The following VWC2 variants were observed in gnomAD, a reference collection of about 807,000 sequenced individuals.
VWC2 encodes the protein von Willebrand factor C domain containing 2.
Under a neutral mutation model 29.8 loss-of-function variants are expected in VWC2, and 14 were observed. That is an observed-to-expected ratio of 0.47 (90% CI 0.31 to 0.74). The LOEUF is 0.74. Ranked by LOEUF, VWC2 falls within the 30% of genes least tolerant of loss-of-function variation. VWC2 has a pLI of 0.05. For missense variants in VWC2, 457 were observed against 459.8 expected (o/e 0.99, Z 0.05); for synonymous variants, 213 against 199.0 (o/e 1.07, Z -0.59).
intron 3 of VWC2, among the ~76,000 whole-genome samples, chr7:49,884,449 A>G (rs1213728552): frequency 6.6e-6 from 1 of 152,150 alleles, no homozygotes; most frequent in Non-Finnish European, 1.5e-5. Flanking sequence ...GGGAAGGTGG[A>G]GAACAGCAAT....
intron 3 of VWC2, among the ~76,000 whole-genome samples, chr7:49,894,336 T>C (rs1384633148): frequency 1.3e-5 from 2 of 152,102 alleles, no homozygotes; most frequent in African/African-American, 4.8e-5. Flanking sequence ...TTGTATTTTT[T>C]GTAGAGACGG....
chr7:49,911,275 A>T (rs887302024), intron 3 of VWC2, among the ~76,000 whole-genome samples: 5 of 151,982 alleles, frequency 3.3e-5, no homozygotes, highest in Admixed American at 3.3e-4. Flanking sequence ...CGAGGTCAAG[A>T]GATCGAGACC....
intron 3 of VWC2, among the ~76,000 whole-genome samples, chr7:49,893,378 G>C (rs1213990504): frequency 6.6e-6 from 1 of 152,162 alleles, no homozygotes; most frequent in African/African-American, 2.4e-5. Flanking sequence ...AATTTGGCAG[G>C]ATAGTTTTCA....
intron 3 of VWC2, among the ~76,000 whole-genome samples, chr7:49,870,278 T>C (rs1341633811): frequency 2.6e-5 from 4 of 152,146 alleles, no homozygotes. Context: ...CGGGCGCCTG[T>C]AGTCCCAGCT....
At chr7:49,893,131 T>C (rs1275164969) in intron 3 of VWC2, among the ~76,000 whole-genome samples, 2 of 152,252 alleles carry the variant, frequency 1.3e-5, no homozygotes, top group East Asian at 3.8e-4. Context: ...ATGAGAATAC[T>C]TTAGCCTTTA....
rs562835247 is a variant in VWC2, at chr7:49,842,073, G to T, written c.826+39233G>T. Among the ~76,000 whole-genome samples the T allele has an allele frequency of 5.7e-4, 87 of 152,172 alleles. 1 individual carries two copies. Among genetic ancestry groups the T allele is most frequent in the African/African-American group, 2.1e-3 (87 of 41,526 alleles). ...AGTAGAAACGAGGTTTCACCATGTT[G>T]CCCAGGCTGGTCTTGAACTCCTGAC... On this transcript the variant is annotated intron_variant, in intron 3 of 3. Transcript: ENST00000340652.
At chr7:49,845,334 A>T (rs918814773) in intron 3 of VWC2, among the ~76,000 whole-genome samples, 1 of 152,244 alleles carries the variant, frequency 6.6e-6, no homozygotes, top group African/African-American at 2.4e-5. Flanking sequence ...TACAATCTCT[A>T]GGACTCTATC....
rs1322069404 is a variant in VWC2 at position 49,829,673 on chromosome 7, C to T, written c.826+26833C>T. Reference sequence around the variant, plus strand: ...TTGTCTCCTTTCTCCTTAGCCCTGCCTAAACAGCCTTCTTCCTCTCCCTTC... The same window carrying T: ...TTGTCTCCTTTCTCCTTAGCCCTGCTTAAACAGCCTTCTTCCTCTCCCTTC... On this transcript the variant is annotated intron_variant, in intron 3 of 3. Transcript: ENST00000340652. Among the ~76,000 whole-genome samples, 10 of 152,348 alleles carry T rather than the reference C, an allele frequency of 6.6e-5. No homozygotes were observed. In the East Asian group the frequency reaches 1.9e-3, roughly 29 times the overall value.
At chr7:49,871,908 AACACACACACACACAC>A (rs72332840) in intron 3 of VWC2, among the ~76,000 whole-genome samples, 1,218 of 87,914 alleles carry the variant, frequency 0.014, 41 homozygotes, top group African/African-American at 0.051. Flanking sequence ...TGTGTATATA[AACACACACACACACAC>A]ACACACACAC....
intron 3 of VWC2, among the ~76,000 whole-genome samples, chr7:49,848,733 T>C (rs192247338): frequency 6.6e-6 from 1 of 152,368 alleles, no homozygotes; most frequent in African/African-American, 2.4e-5. Flanking sequence ...TATGAATCAT[T>C]TCTCTCACAG....
At chr7:49,856,984 T>A (rs969553508) in intron 3 of VWC2, among the ~76,000 whole-genome samples, 1 of 111,500 alleles carries the variant, frequency 9.0e-6, no homozygotes, top group African/African-American at 3.6e-5. Context: ...CACTCCAACC[T>A]GGGTGACAGA....
intron 3 of VWC2, among the ~76,000 whole-genome samples, chr7:49,816,329 G>T (rs1789142069): frequency 6.6e-6 from 1 of 152,226 alleles, no homozygotes; most frequent in South Asian, 2.1e-4. Context: ...TGTCTGAAAA[G>T]AGGCTATTGC....
chr7:49,864,011 T>C (rs960684576), intron 3 of VWC2, among the ~76,000 whole-genome samples: 5 of 152,210 alleles, frequency 3.3e-5, no homozygotes, highest in African/African-American at 1.2e-4. Flanking sequence ...AAATCATATA[T>C]TGTTTATTAT....
intron 2 of VWC2, among the ~76,000 whole-genome samples, chr7:49,792,663 C>T (rs1309315499): frequency 1.3e-5 from 2 of 152,244 alleles, no homozygotes; most frequent in South Asian, 2.1e-4. Flanking sequence ...CCTACCCTTG[C>T]TCTGGAAGCC....
Position 49,912,264 on chromosome 7 carries a change from T to C in VWC2, c.*79T>C. 1 of 1,453,266 alleles carries C rather than the reference T, an allele frequency of 6.9e-7. No homozygotes were observed. Among genetic ancestry groups the C allele is most frequent in the Non-Finnish European group, 9.3e-7 (1 of 1,078,318 alleles). 90.0% of individuals were successfully genotyped at this position (1,453,266 alleles called of 1,614,324 possible). ...ACATTCTAGATGACTCTGGGAACTA[T>C]CAGTCAAAGAAGACTTTTGATGAGG... On this transcript the variant is annotated 3_prime_UTR_variant, in exon 4 of 4. Coordinates refer to ENST00000340652, the MANE Select transcript of VWC2 (RefSeq NM_198570.5).
chr7:49,915,120 G>C lies in VWC2; in HGVS notation c.*2935G>C, dbSNP rs1049205951. ...AGTTAAATTCATTCTTTCAGTGATAGGATATTTACTTGTTGGGTGGATTAA... is the reference window on the plus strand; with the variant it reads ...AGTTAAATTCATTCTTTCAGTGATACGATATTTACTTGTTGGGTGGATTAA... On this transcript the variant is annotated 3_prime_UTR_variant, in exon 4 of 4. Transcript: ENST00000340652. 1 of 152,154 alleles carries C rather than the reference G, an allele frequency of 6.6e-6. No individual in the cohort carries two copies. Among genetic ancestry groups the C allele is most frequent in the East Asian group, 1.9e-4 (1 of 5,198 alleles). 9.4% of individuals were successfully genotyped at this position (152,154 alleles called of 1,614,324 possible).
At chr7:49,802,565 G>A (rs1788765594) in intron 2 of VWC2, 146 bp from the exon 3 acceptor site, 1 of 1,109,156 alleles carries the variant, frequency 9.0e-7, no homozygotes, top group Non-Finnish European at 1.3e-6. Context: ...TTGAACTCGG[G>A]AAACAGAGGT....
At chr7:49,865,440 G>A (rs1583706340) in intron 3 of VWC2, among the ~76,000 whole-genome samples, 1 of 152,226 alleles carries the variant, frequency 6.6e-6, no homozygotes, top group Non-Finnish European at 1.5e-5. Context: ...AAACGTAGTG[G>A]CTTCAAGTAA....
chr7:49,820,717 A>T (rs1789244202), intron 3 of VWC2, among the ~76,000 whole-genome samples: 1 of 152,228 alleles, frequency 6.6e-6, no homozygotes, highest in African/African-American at 2.4e-5. Flanking sequence ...TACCTCACTT[A>T]CATTGACTCT....
Sources: gnomAD v4.1 joint callset for allele counts (sites outside exome capture counted in the v4.1 genomes callset) on GRCh38, gnomAD v4.1.1 for gene constraint, MANE v1.5 for transcripts, NCBI Gene and HGNC (gene_info 2026-07-23, HGNC 2026-07-21) for gene names.